The following PARD3B variants were observed in gnomAD, a reference collection of about 807,000 sequenced individuals.
The protein encoded by PARD3B is par-3 family cell polarity regulator beta.
A neutral mutation model predicts 130.2 loss-of-function variants in PARD3B; 103 were observed. That is an observed-to-expected ratio of 0.79 (90% CI 0.67 to 0.93). PARD3B has a LOEUF of 0.93. Ranked by LOEUF, PARD3B falls within the 40% of genes least tolerant of loss-of-function variation. The pLI is 0.00. For synonymous variants in PARD3B, 583 were observed against 553.2 expected (o/e 1.05, Z -0.76); for missense variants, 1,609 against 1,499.2 (o/e 1.07, Z -1.21).
chr2:204,897,113 A>G (rs1312066758), intron 2 of PARD3B, among the ~76,000 whole-genome samples: 1 of 152,160 alleles, frequency 6.6e-6, no homozygotes, highest in Non-Finnish European at 1.5e-5. Context: ...ATTTTTAACA[A>G]ATTAATTTAT....
intron 2 of PARD3B, among the ~76,000 whole-genome samples, chr2:204,831,953 A>C (rs1018592653): frequency 6.6e-6 from 1 of 152,172 alleles, no homozygotes; most frequent in Admixed American, 6.5e-5. Context: ...TAAAAAATAG[A>C]TATCCACGCC....
rs977730895 is a variant in PARD3B at position 204,623,240 on chromosome 2, G to A, written c.121-62941G>A. ...ACCCAGTTTCTTTCACTGGTTGAGT[G>A]TTAAATAGCTATAGGACAATATCAA... On this transcript the variant is annotated intron_variant, in intron 1 of 22. Transcript: ENST00000406610. The surrounding 1 kb of genome is among the most constrained non-coding windows in gnomAD (Gnocchi z 4.5). Among the ~76,000 whole-genome samples the A allele has an allele frequency of 6.6e-6, 1 of 152,152 alleles. No individual in the cohort carries two copies. The highest frequency in any genetic ancestry group is 1.9e-4 in the East Asian group (1 of 5,196).
At chr2:204,914,260 C>T (rs1338225175) in intron 2 of PARD3B, among the ~76,000 whole-genome samples, 1 of 151,754 alleles carries the variant, frequency 6.6e-6, no homozygotes, top group Admixed American at 6.6e-5. Flanking sequence ...CCAATAAATT[C>T]CATTTTTCTC....
chr2:204,823,419 G>T (rs928511543), intron 2 of PARD3B, among the ~76,000 whole-genome samples: 1 of 151,740 alleles, frequency 6.6e-6, no homozygotes. Context: ...TGTCATTTAT[G>T]TATTACATGT....
intron 2 of PARD3B, among the ~76,000 whole-genome samples, chr2:204,705,745 G>A (rs1019653940): frequency 6.6e-6 from 1 of 152,166 alleles, no homozygotes; most frequent in Admixed American, 6.5e-5. Context: ...AGTCATTGTG[G>A]TTTGCTTAAG....
chr2:205,383,105 T>TAGATAGATAGATAGAGAGATAGATAGAG, intron 18 of PARD3B, among the ~76,000 whole-genome samples: 1 of 136,712 alleles, frequency 7.3e-6, no homozygotes, highest in Non-Finnish European at 1.6e-5. Flanking sequence ...GATAGATAGA[T>TAGATAGATAGATAGAGAGATAGATAGAG]AGATAGATAG....
chr2:204,939,288 T>C (rs1436499031), intron 2 of PARD3B, among the ~76,000 whole-genome samples: 2 of 152,184 alleles, frequency 1.3e-5, no homozygotes, highest in Non-Finnish European at 2.9e-5. Context: ...TTAAAGACTG[T>C]TTTTAATACC....
intron 2 of PARD3B, among the ~76,000 whole-genome samples, chr2:204,869,136 GA>G (rs1371930402): frequency 6.6e-6 from 1 of 152,088 alleles, no homozygotes; most frequent in African/African-American, 2.4e-5. Flanking sequence ...TGTGATTTGT[GA>G]AAGCAAGGAG....
intron 18 of PARD3B, among the ~76,000 whole-genome samples, chr2:205,332,857 A>G (rs769516551): frequency 2.6e-5 from 4 of 152,228 alleles, no homozygotes; most frequent in Non-Finnish European, 5.9e-5. Context: ...CCACAGCCAT[A>G]TACAAGGAGG....
chr2:205,041,064 G>A (rs963335806), intron 3 of PARD3B, among the ~76,000 whole-genome samples: 1 of 152,168 alleles, frequency 6.6e-6, no homozygotes, highest in African/African-American at 2.4e-5. Context: ...TTCTGAGAGA[G>A]TATGAAATCC....
At chr2:204,860,064 G>C (rs1407412637) in intron 2 of PARD3B, among the ~76,000 whole-genome samples, 1 of 152,138 alleles carries the variant, frequency 6.6e-6, no homozygotes, top group African/African-American at 2.4e-5. Context: ...TAGAAATACG[G>C]ATTGTTTTCC....
intron 13 of PARD3B, among the ~76,000 whole-genome samples, chr2:205,177,708 C>T (rs1349823752): frequency 6.6e-6 from 1 of 152,100 alleles, no homozygotes; most frequent in Non-Finnish European, 1.5e-5. Flanking sequence ...CAGAATTCCT[C>T]CATTTTAGCA....
chr2:205,514,156 T>G (rs1197155203), intron 21 of PARD3B, among the ~76,000 whole-genome samples: 1 of 151,968 alleles, frequency 6.6e-6, no homozygotes, highest in African/African-American at 2.4e-5. Flanking sequence ...CCCGAGAGAG[T>G]AGATTTTCTA....
Position 205,352,902 on chromosome 2 carries a change from G to A in PARD3B, c.2631-48111G>A, listed in dbSNP as rs577813125. On this transcript the variant is annotated intron_variant, in intron 18 of 22. Transcript: ENST00000406610. This position sits in a 1 kb window ranked among gnomAD's most constrained non-coding sequence, Gnocchi z 5.2. ...TAGGAAAGAATAACCCCCCACCAGT[G>A]GCCACATCATATGGAGAAAGAACCA... Among the ~76,000 whole-genome samples, 1 of 152,134 alleles carries A rather than the reference G, an allele frequency of 6.6e-6. No individual in the cohort carries two copies. Among genetic ancestry groups the A allele is most frequent in the African/African-American group, 2.4e-5 (1 of 41,504 alleles).
intron 4 of PARD3B, among the ~76,000 whole-genome samples, chr2:205,092,971 A>G (rs769908763): frequency 9.9e-5 from 15 of 152,222 alleles, no homozygotes; most frequent in Non-Finnish European, 1.8e-4. Flanking sequence ...CCAGGTACAA[A>G]TCAGTGCATT....
intron 10 of PARD3B, among the ~76,000 whole-genome samples, chr2:205,154,254 C>T (rs2033963046): frequency 6.6e-6 from 1 of 152,210 alleles, no homozygotes; most frequent in Middle Eastern, 3.2e-3. Flanking sequence ...AAAAACACTT[C>T]TCAAAAGAAG....
chr2:205,028,811 T>C (rs1228255156), intron 3 of PARD3B, among the ~76,000 whole-genome samples: 1 of 152,134 alleles, frequency 6.6e-6, no homozygotes, highest in African/African-American at 2.4e-5. Flanking sequence ...ACTAATAAAT[T>C]CAGTAATCAA....
At chr2:205,449,610 A>G (rs1048444643) in intron 20 of PARD3B, among the ~76,000 whole-genome samples, 10 of 152,140 alleles carry the variant, frequency 6.6e-5, no homozygotes, top group Admixed American at 3.9e-4. Context: ...ACTTTCTGTG[A>G]GCTGATGTAA....
chr2:205,404,121 C>A (rs1312292549), intron 19 of PARD3B, among the ~76,000 whole-genome samples: 1 of 152,148 alleles, frequency 6.6e-6, no homozygotes, highest in East Asian at 1.9e-4. Context: ...ATTTTATAAT[C>A]TTTTTTTTAT....
Sources: gnomAD v4.1 joint callset for allele counts (sites outside exome capture counted in the v4.1 genomes callset) on GRCh38, gnomAD v4.1.1 for gene constraint, Gnocchi (gnomAD v3.1) non-coding constraint, MANE v1.5 for transcripts, NCBI Gene and HGNC (gene_info 2026-07-23, HGNC 2026-07-21) for gene names.